NOL11: variants seen among roughly 807,000 people sequenced by gnomAD.
The protein encoded by NOL11 is nucleolar protein 11.
NOL11 carries 42 observed loss-of-function variants against 93.0 expected under a neutral mutation model. The ratio of observed to expected loss-of-function variants is 0.45; its 90% confidence interval spans 0.35 to 0.58. NOL11 has a LOEUF of 0.58. NOL11 is among the 20% of genes least tolerant of loss of function. The pLI, the probability that NOL11 is intolerant of heterozygous loss-of-function variation, is 0.00. For missense variants in NOL11, 775 were observed against 841.8 expected, an observed-to-expected ratio of 0.92 and a Z score of 0.98; for synonymous variants, 296 against 293.7, an observed-to-expected ratio of 1.01 and a Z score of -0.08.
intron 13 of NOL11, 37 bp downstream of exon 13, chr17:67,738,009 ATT>A (rs2055219008): frequency 2.5e-6 from 4 of 1,572,656 alleles, no homozygotes; most frequent in Non-Finnish European, 3.4e-6. Context: ...TCTTCACTAC[ATT>A]TATAATCTGT....
At chr17:67,723,586 G>A (rs1437627573) in intron 5 of NOL11, among the ~76,000 whole-genome samples, 1 of 149,714 alleles carries the variant, frequency 6.7e-6, no homozygotes, top group Non-Finnish European at 1.5e-5. Flanking sequence ...ACAGGGTTTT[G>A]CCATATTGGT....
rs916671580 is a variant in NOL11 at position 67,735,829 on chromosome 17, A to G, written c.931-71A>G. On this transcript the variant is annotated intron_variant, in intron 8 of 17. Coordinates refer to ENST00000253247, the MANE Select transcript of NOL11 (RefSeq NM_015462.5). The stretch of plus-strand genomic sequence containing the variant: ...ATACTGAGCACTTATACAGTGAGTG[A>G]TAAGGCTTTATTGAGTCATACCTTA... The G allele has an allele frequency of 5.7e-5, 73 of 1,273,648 alleles. No homozygotes were observed. In the South Asian group the frequency reaches 1.0e-3, roughly 18 times the overall value. The allele number at this position is 1,273,648 out of a possible 1,614,324, so 78.9% of individuals were successfully genotyped here.
rs1567807543 is a variant in NOL11, at chr17:67,744,125, G to T, written c.*266G>T. The T allele has an allele frequency of 5.2e-6, 1 of 191,816 alleles. No individual in the cohort carries two copies. The highest frequency in any genetic ancestry group is 1.1e-5 in the Non-Finnish European group (1 of 94,696). The allele number at this position is 191,816 out of a possible 1,614,324, so 11.9% of individuals were successfully genotyped here. A position where few individuals can be genotyped will look rare whatever the true frequency, so the allele number is the denominator to read the frequency against. On this transcript the variant is annotated 3_prime_UTR_variant, in exon 18 of 18. Transcript: ENST00000253247. Reference sequence around the variant, plus strand: ...GGGTTGATTTTAAGTAAAATTATTTGTGTATTGATAAAAGTCTAATTTCTT... The same window carrying T: ...GGGTTGATTTTAAGTAAAATTATTTTTGTATTGATAAAAGTCTAATTTCTT...
intron 14 of NOL11, chr17:67,738,678 TAA>T (rs201285179): frequency 0.011 from 3,833 of 354,726 alleles, no homozygotes; most frequent in East Asian, 0.04. Context: ...ACATCAGATT[TAA>T]AAAAAAAAAA....
chr17:67,719,510 T>A, intron 1 of NOL11, 164 bp from the exon 2 acceptor site: 2 of 465,998 alleles, frequency 4.3e-6, no homozygotes, highest in Non-Finnish European at 7.8e-6. Flanking sequence ...TTGCCCACCT[T>A]GACCTCTCAA....
intron 6 of NOL11, among the ~76,000 whole-genome samples, chr17:67,724,517 A>G (rs2055069287): frequency 6.6e-6 from 1 of 151,882 alleles, no homozygotes. Flanking sequence ...TATTTTTAGT[A>G]GAGACGGTTT....
chr17:67,742,832 T>A (rs2055268223), intron 16 of NOL11, among the ~76,000 whole-genome samples: 1 of 152,262 alleles, frequency 6.6e-6, no homozygotes, highest in Admixed American at 6.5e-5. Context: ...AACTCATCTA[T>A]AATACACAAC....
intron 8 of NOL11, among the ~76,000 whole-genome samples, chr17:67,735,677 A>T (rs6504527): frequency 6.6e-6 from 1 of 152,150 alleles, no homozygotes; most frequent in Non-Finnish European, 1.5e-5. Context: ...ATGTTGATTA[A>T]ATTTTTCTGA....
Position 67,738,147 on chromosome 17 carries a change from A to G in NOL11, c.1555A>G (p.Thr519Ala), listed in dbSNP as rs1336523883. 1 of 1,611,638 alleles carries G rather than the reference A, an allele frequency of 6.2e-7. No homozygotes were observed. The highest frequency in any genetic ancestry group is 2.2e-5 in the East Asian group (1 of 44,850). ...LSIGDDSLQE[T>A]DVNMESVFDY... is the part of the protein sequence containing the mutation. ...CATTGGTGATGACAGTCTTCAAGAA[A>G]CAGATGTTAATATGGAGTCAGTTTT... Residue 519 changes from threonine to alanine, a missense_variant, in exon 14 of 18, where the codon ACA becomes GCA. Transcript: ENST00000253247.
chr17:67,735,642 A>G (rs1274706821), intron 8 of NOL11, among the ~76,000 whole-genome samples: 1 of 152,086 alleles, frequency 6.6e-6, no homozygotes, highest in Non-Finnish European at 1.5e-5. Context: ...ATTAATTTTA[A>G]ACAATTGAGT....
At position 67,724,158 on chromosome 17, in the gene NOL11, C is replaced by T. The variant is rs751899070; in HGVS notation, c.629C>T (p.Ser210Phe). The T allele has an allele frequency of 1.3e-6, 2 of 1,579,306 alleles. No homozygotes were observed. The highest frequency in any genetic ancestry group is 1.7e-6 in the Non-Finnish European group (2 of 1,165,110). Reference protein sequence around the residue: ...ENSVIKSFTASVDRKFISLMS... With the variant: ...ENSVIKSFTAFVDRKFISLMS... Reference sequence around the variant, plus strand: ...TCTGTTATAAAGAGTTTTACTGCATCTGTAGATCGGAAATTCATCTCTTTG... The same window carrying T: ...TCTGTTATAAAGAGTTTTACTGCATTTGTAGATCGGAAATTCATCTCTTTG... Residue 210 changes from serine to phenylalanine, a missense_variant, in exon 6 of 18, where the codon TCT (serine) becomes TTT (phenylalanine). This residue lies in a region of NOL11 where 359 missense variants were observed against 316.5 expected (regional missense o/e 1.13). Transcript: ENST00000253247.
At chr17:67,737,457 A>G in intron 11 of NOL11, 51 bp from the exon 12 acceptor site, 1 of 1,418,030 alleles carries the variant, frequency 7.1e-7, no homozygotes, top group Non-Finnish European at 9.7e-7. Context: ...TTAAGTTCAG[A>G]GTGACATTCG....
chr17:67,732,498 A>G (rs1310924413), intron 7 of NOL11, among the ~76,000 whole-genome samples: 1 of 151,990 alleles, frequency 6.6e-6, no homozygotes, highest in Non-Finnish European at 1.5e-5. Flanking sequence ...TCTCAAAAAA[A>G]AAAAAAAAAA....
At chr17:67,734,130 T>C (rs916277988) in intron 7 of NOL11, among the ~76,000 whole-genome samples, 1 of 152,148 alleles carries the variant, frequency 6.6e-6, no homozygotes, top group Admixed American at 6.6e-5. Flanking sequence ...TTGTTGGGTG[T>C]TTTTAATTGT....
chr17:67,722,678 T>G, intron 5 of NOL11, 41 bp downstream of exon 5: 1 of 1,444,886 alleles, frequency 6.9e-7, no homozygotes, highest in East Asian at 2.6e-5. Context: ...TTGTGAAATT[T>G]CTTTAAAAAA....
At chr17:67,726,385 C>T (rs2055093288) in intron 6 of NOL11, 75 bp from the exon 7 acceptor site, 5 of 1,180,264 alleles carry the variant, frequency 4.2e-6, no homozygotes, top group Admixed American at 6.2e-5. Context: ...ATCTTATAAA[C>T]AACCTAGTAC....
At chr17:67,732,491 CAAA>C (rs201009697) in intron 7 of NOL11, among the ~76,000 whole-genome samples, 4 of 71,474 alleles carry the variant, frequency 5.6e-5, no homozygotes, top group Admixed American at 1.7e-4. Context: ...GACTCCGTCT[CAAA>C]AAAAAAAAAA....
chr17:67,736,804 G>A (rs1485152726), intron 10 of NOL11, 50 bp downstream of exon 10: 2 of 1,223,530 alleles, frequency 1.6e-6, no homozygotes, highest in East Asian at 2.4e-5. Context: ...TTGAAAAACA[G>A]AAAAAGACTG....
At chr17:67,739,288 T>G (rs1276137434) in intron 15 of NOL11, among the ~76,000 whole-genome samples, 4 of 152,196 alleles carry the variant, frequency 2.6e-5, no homozygotes, top group African/African-American at 7.2e-5. Flanking sequence ...AAGGGTTCTC[T>G]CTACCTATTA....
Sources: allele counts gnomAD v4.1 joint callset (sites outside exome capture counted in the v4.1 genomes callset), GRCh38; gene constraint gnomAD v4.1.1; regional missense constraint gnomAD v4.1.1; transcripts MANE v1.5; gene names NCBI Gene and HGNC (gene_info 2026-07-23, HGNC 2026-07-21).